KLF8: variants seen among roughly 807,000 people sequenced by gnomAD.
KLF8 encodes the protein Krueppel-like factor 8.
KLF8 carries 10 observed loss-of-function variants against 18.2 expected under a neutral mutation model. That is an observed-to-expected ratio of 0.55 (90% CI 0.34 to 0.93). KLF8 has a LOEUF of 0.93. Ranked by LOEUF, KLF8 falls within the 40% of genes least tolerant of loss-of-function variation. The pLI, the probability that KLF8 is intolerant of heterozygous loss-of-function variation, is 0.02. For synonymous variants in KLF8, 109 were observed against 97.3 expected (o/e 1.12, Z -0.71); for missense variants, 264 against 277.9 (o/e 0.95, Z 0.36).
chrX:56,201,958 T>A, the KLF8 span, among the ~76,000 whole-genome samples: 1 of 111,572 alleles, frequency 9.0e-6, no homozygotes, highest in Non-Finnish European at 1.9e-5. Context: ...CATTGAGATC[T>A]GTGGATGCCT....
the KLF8 span, among the ~76,000 whole-genome samples, chrX:56,225,996 T>C: frequency 1.8e-5 from 2 of 112,237 alleles, no homozygotes; most frequent in Non-Finnish European, 3.8e-5. Context: ...GTATACTACA[T>C]TGCAGTGAGC....
At chrX:56,145,057 T>C in the KLF8 span, among the ~76,000 whole-genome samples, 12 of 110,587 alleles carry the variant, frequency 1.1e-4, no homozygotes, top group African/African-American at 3.6e-4. Context: ...CATCCCAAAG[T>C]CCTGGGATTA....
chrX:56,052,643 G>C, the KLF8 span, among the ~76,000 whole-genome samples: 1 of 111,892 alleles, frequency 8.9e-6, no homozygotes, highest in Non-Finnish European at 1.9e-5. Context: ...CTCCAGCTGC[G>C]TGCTGGGAGA....
At chrX:56,053,544 G>GTTTTTTTTTTTTTT in the KLF8 span, among the ~76,000 whole-genome samples, 3 of 68,742 alleles carry the variant, frequency 4.4e-5, 1 homozygote, top group Non-Finnish European at 7.3e-5. Context: ...TCTTTTCTTT[G>GTTTTTTTTTTTTTT]TTTTTTTTTT....
chrX:56,003,694 CT>C, the KLF8 span, among the ~76,000 whole-genome samples: 1 of 111,898 alleles, frequency 8.9e-6, no homozygotes, highest in Non-Finnish European at 1.9e-5. Flanking sequence ...TGATTTGCAT[CT>C]ATGGCTTATT....
At chrX:56,080,409 GCT>G in the KLF8 span, among the ~76,000 whole-genome samples, 1 of 110,714 alleles carries the variant, frequency 9.0e-6, no homozygotes, top group Non-Finnish European at 1.9e-5. Context: ...CACTTTTGAA[GCT>G]TAGTTTGGCT....
rs887360551 is a variant in KLF8 at position 56,253,021 on chromosome X, G to A, written c.81+2717G>A. Among the ~76,000 whole-genome samples the A allele has an allele frequency of 4.4e-5, 5 of 112,550 alleles. No homozygotes were observed. In the Admixed American group the frequency reaches 4.7e-4, roughly 11 times the overall value. Reference sequence around the variant, plus strand: ...ATTTGTATGTCTTCTTCTGAGAAATGTCTATTCAAATGTTTTACCCATTTT... The same window carrying A: ...ATTTGTATGTCTTCTTCTGAGAAATATCTATTCAAATGTTTTACCCATTTT... On this transcript the variant is annotated intron_variant, in intron 2 of 5. Transcript: ENST00000468660.
the KLF8 span, among the ~76,000 whole-genome samples, chrX:56,034,991 G>A: frequency 1.8e-5 from 2 of 109,503 alleles, no homozygotes; most frequent in East Asian, 5.7e-4. Context: ...TCCTGACCTC[G>A]TGATCCGCCC....
intron 2 of KLF8, among the ~76,000 whole-genome samples, chrX:56,264,489 AT>A (rs1168013011): frequency 4.5e-5 from 5 of 110,316 alleles, no homozygotes; most frequent in Non-Finnish European, 7.6e-5. Context: ...CATTTAGATC[AT>A]TTATTAGTTT....
the KLF8 span, among the ~76,000 whole-genome samples, chrX:56,221,693 C>T: frequency 4.5e-5 from 5 of 111,474 alleles, no homozygotes; most frequent in Admixed American, 9.5e-5. Context: ...CCGGTGGGTT[C>T]GTGGTCTCGC....
the KLF8 span, among the ~76,000 whole-genome samples, chrX:56,129,919 C>A: frequency 9.1e-6 from 1 of 110,138 alleles, no homozygotes; most frequent in Admixed American, 9.7e-5. Flanking sequence ...TCCCTAACAA[C>A]CTGCATGACA....
chrX:55,937,399 G>A, the KLF8 span, among the ~76,000 whole-genome samples: 2 of 111,065 alleles, frequency 1.8e-5, no homozygotes, highest in African/African-American at 6.5e-5. Flanking sequence ...AAGACCAAAG[G>A]TAGATAAAAC....
At chrX:56,176,529 C>A in the KLF8 span, among the ~76,000 whole-genome samples, 2 of 111,623 alleles carry the variant, frequency 1.8e-5, no homozygotes, top group Non-Finnish European at 3.8e-5. Flanking sequence ...TCTGGCTGCT[C>A]TTAACATTTT....
intron 2 of KLF8, among the ~76,000 whole-genome samples, chrX:56,252,384 A>G (rs2066727783): frequency 9.0e-6 from 1 of 111,601 alleles, no homozygotes; most frequent in African/African-American, 3.3e-5. Context: ...TGCCCTTCCC[A>G]GCCTCTGGTA....
Position 56,232,879 on chromosome X carries a change from T to G in KLF8, c.-456T>G. The G allele has an allele frequency of 1.7e-5, 2 of 118,584 alleles. No individual in the cohort carries two copies. Among genetic ancestry groups the G allele is most frequent in the Non-Finnish European group, 3.4e-5 (2 of 59,504 alleles). The allele number at this position is 118,584 out of a possible 1,213,427, so 9.8% of individuals were successfully genotyped here. A position where few individuals can be genotyped will look rare whatever the true frequency, so the allele number is the denominator to read the frequency against. ...CTCTCCTTTTAAAGGGTGTGTGGAGTTCAGAGGATGGGTGGAGAGCGGGCT... is the reference window on the plus strand; with the variant it reads ...CTCTCCTTTTAAAGGGTGTGTGGAGGTCAGAGGATGGGTGGAGAGCGGGCT... On this transcript the variant is annotated 5_prime_UTR_variant, in exon 1 of 6. Transcript: ENST00000468660.
At chrX:56,048,642 C>A in the KLF8 span, among the ~76,000 whole-genome samples, 1 of 111,716 alleles carries the variant, frequency 9.0e-6, no homozygotes, top group South Asian at 3.8e-4. Flanking sequence ...TGTTTTGGTA[C>A]CAGTACCACG....
At chrX:56,004,979 A>G in the KLF8 span, among the ~76,000 whole-genome samples, 2 of 110,913 alleles carry the variant, frequency 1.8e-5, no homozygotes, top group Non-Finnish European at 3.8e-5. Context: ...AATGACTGCT[A>G]GCCCAGAATG....
the KLF8 span, among the ~76,000 whole-genome samples, chrX:56,034,777 A>G: frequency 2.4e-5 from 1 of 42,082 alleles, no homozygotes. Flanking sequence ...TTTTTTTGAG[A>G]TGGAGTCTCG....
At chrX:55,926,372 G>A in the KLF8 span, among the ~76,000 whole-genome samples, 8 of 110,006 alleles carry the variant, frequency 7.3e-5, no homozygotes, top group Admixed American at 4.9e-4. Context: ...CTTCCTATCT[G>A]TGTATTTACA....
Sources: allele counts gnomAD v4.1 joint callset (sites outside exome capture counted in the v4.1 genomes callset), GRCh38; gene constraint gnomAD v4.1.1; transcripts MANE v1.5; gene names NCBI Gene and HGNC (gene_info 2026-07-23, HGNC 2026-07-21).